Variants in GC observed in about 807,000 individuals in gnomAD.
GC encodes vitamin D-binding protein.
GC carries 43 observed loss-of-function variants against 56.7 expected under a neutral mutation model. The observed-to-expected ratio is 0.76, with a 90% CI of 0.59 to 0.98. The LOEUF (loss-of-function observed/expected upper bound fraction) is 0.98, where lower values mean the gene tolerates loss of function less well. Ranked by LOEUF, GC falls within the 50% of genes least tolerant of loss-of-function variation. GC has a pLI of 0.00. For missense variants in GC, 529 were observed against 545.9 expected (o/e 0.97, Z 0.31); for synonymous variants, 216 against 202.7 (o/e 1.07, Z -0.56).
At chr4:71,765,362 T>C in intron 4 of GC, 70 bp downstream of exon 4, 3 of 1,201,546 alleles carry the variant, frequency 2.5e-6, no homozygotes, top group Non-Finnish European at 3.7e-6. Flanking sequence ...TTCCACAGAG[T>C]AGGGGGTTAG....
intron 1 of GC, among the ~76,000 whole-genome samples, chr4:71,778,924 G>A (rs222028): frequency 0.96 from 141,838 of 146,996 alleles, 68,363 homozygotes; most frequent in Non-Finnish European, 1. Context: ...TATTATTATT[G>A]GCTAAATCCA....
At chr4:71,757,828 C>T (rs1371013606) in intron 7 of GC, among the ~76,000 whole-genome samples, 1 of 152,154 alleles carries the variant, frequency 6.6e-6, no homozygotes, top group Non-Finnish European at 1.5e-5. Context: ...ACTTTGCCAC[C>T]TACTAGTTGT....
intron 12 of GC, among the ~76,000 whole-genome samples, chr4:71,745,123 A>G (rs1184326139): frequency 6.6e-6 from 1 of 152,204 alleles, no homozygotes; most frequent in Non-Finnish European, 1.5e-5. Flanking sequence ...CATCACCTCA[A>G]TCATTGTAAC....
upstream of GC, among the ~76,000 whole-genome samples, chr4:71,788,003 C>T (rs1742881169): frequency 6.6e-6 from 1 of 151,856 alleles, no homozygotes; most frequent in Admixed American, 6.6e-5. Flanking sequence ...GTGCTTTGCT[C>T]TCCCACAGTG....
Position 71,781,090 on chromosome 4 carries a change from A to G in GC, c.58+2871T>C, listed in dbSNP as rs538486408. 2.0e-4 allele frequency among the ~76,000 whole-genome samples: 30 copies of G among 152,246 alleles called. No individual in the cohort carries two copies. The East Asian group carries it at 4.5e-3, about 23-fold the overall frequency. On this transcript the variant is annotated intron_variant, in intron 1 of 12. Coordinates refer to ENST00000273951, the MANE Select transcript of GC (RefSeq NM_000583.4). The stretch of plus-strand genomic sequence containing the variant: ...ATGAGTTCATGTCTTTTGCAGGGAC[A>G]TGGGTGAAGCTGGAAACCATCATTC...
At chr4:71,784,194 CT>C, upstream of GC, 1 of 1,304,554 alleles carries the variant, frequency 7.7e-7, no homozygotes, top group African/African-American at 1.5e-5. Flanking sequence ...GGGCTGTTAT[CT>C]TTGGCCCAAA....
At chr4:71,784,185 G>T, upstream of GC, 1 of 1,304,368 alleles carries the variant, frequency 7.7e-7, no homozygotes, top group South Asian at 2.6e-5. Flanking sequence ...AGAAGCAAGG[G>T]GCTGTTATCT....
In GC at chr4:71,768,348, C is replaced by G; in HGVS notation, c.214G>C (p.Glu72Gln). 1.2e-6 allele frequency: 2 copies of G among 1,613,314 alleles called. No homozygotes were observed. Among genetic ancestry groups the G allele is most frequent in the African/African-American group, 2.7e-5 (2 of 75,004 alleles). The change falls in exon 3 of 13, where the codon GAA becomes CAA. Residue 72 changes from glutamate to glutamine, a missense_variant. Transcript: ENST00000273951. ...QLVKEVVSLTEACCAEGADPD... is the reference protein window; with the variant it reads ...QLVKEVVSLTQACCAEGADPD... ...TCAGCCCCTTCCGCACAGCAGGCTT[C>G]GGTCAAGGAGACAACTTCCTTCACA...
rs753911219 is a variant in GC at position 71,783,982 on chromosome 4, A to T, written c.37T>A (p.Phe13Ile). ...RVLVLLLAVA[F>I]GHALERGRDY... is the part of the protein sequence containing the mutation. Reference sequence around the variant, plus strand: ...TTACCTCTCTCTAAAGCATGTCCAAATGCCACAGCAAGCAGTAGTACCAGG... The same window carrying T: ...TTACCTCTCTCTAAAGCATGTCCAATTGCCACAGCAAGCAGTAGTACCAGG... The change falls in exon 1 of 13, where the codon TTT (phenylalanine) becomes ATT (isoleucine). Residue 13 changes from phenylalanine (F) to isoleucine (I), a missense_variant. Physicochemically the swap from Phe to Ile is conservative, Grantham distance 21. Transcript: ENST00000273951. The T allele has an allele frequency of 1.2e-6, 2 of 1,602,454 alleles. No individual in the cohort carries two copies.
chr4:71,786,484 A>T (rs1742841227), upstream of GC, among the ~76,000 whole-genome samples: 1 of 151,816 alleles, frequency 6.6e-6, no homozygotes, highest in Non-Finnish European at 1.5e-5. Context: ...GAATATATAT[A>T]TTTAACAAGA....
intron 1 of GC, among the ~76,000 whole-genome samples, chr4:71,779,757 C>G: frequency 6.6e-6 from 1 of 151,706 alleles, no homozygotes; most frequent in East Asian, 2.0e-4. Flanking sequence ...GGCATTGCAC[C>G]TGATATCAGT....
chr4:71,764,993 A>T (rs887509738), intron 4 of GC, among the ~76,000 whole-genome samples: 3 of 152,160 alleles, frequency 2.0e-5, no homozygotes, highest in African/African-American at 7.2e-5. Context: ...TACACGTCAC[A>T]TGTTTCTGGG....
chr4:71,753,308 G>C (rs565270795), intron 10 of GC, among the ~76,000 whole-genome samples: 33 of 152,176 alleles, frequency 2.2e-4, no homozygotes, highest in African/African-American at 7.7e-4. Flanking sequence ...CAGCCCAGCG[G>C]GGGGCAATGG....
intron 3 of GC, among the ~76,000 whole-genome samples, chr4:71,767,784 T>G (rs1742203404): frequency 6.6e-6 from 1 of 151,950 alleles, no homozygotes; most frequent in African/African-American, 2.4e-5. Flanking sequence ...ACAGTGTACC[T>G]AATGTATAGT....
chr4:71,758,313 G>C, intron 6 of GC, 142 bp from the exon 7 acceptor site: 1 of 665,814 alleles, frequency 1.5e-6, no homozygotes, highest in Non-Finnish European at 2.6e-6. Context: ...TCTGCCATGC[G>C]ATAGATCTTA....
intron 8 of GC, among the ~76,000 whole-genome samples, chr4:71,756,108 GAA>G (rs11331312): frequency 2.4e-4 from 37 of 152,052 alleles, no homozygotes; most frequent in Admixed American, 1.2e-3. Flanking sequence ...ATAATGCTAA[GAA>G]AAAAATATTC....
At chr4:71,803,675 G>C (rs1020383778) in intron 1 of GC, among the ~76,000 whole-genome samples, 14 of 152,068 alleles carry the variant, frequency 9.2e-5, no homozygotes, top group Non-Finnish European at 2.9e-5. Flanking sequence ...TAAACTCATC[G>C]CTCTCAACAT....
chr4:71,804,085 A>G (rs1446994748), upstream of GC: 6 of 684,676 alleles, frequency 8.8e-6, no homozygotes, highest in Non-Finnish European at 1.3e-5. Flanking sequence ...TTTGTATGCA[A>G]GCTCCACCAA....
rs188472657 is a variant in GC at position 71,745,380 on chromosome 4, T to C, written c.*25+771A>G. Among the ~76,000 whole-genome samples, 220 of 152,344 alleles carry C rather than the reference T, an allele frequency of 1.4e-3. 1 individual carries two copies. Among genetic ancestry groups the C allele is most frequent in the African/African-American group, 5.1e-3 (213 of 41,584 alleles). On this transcript the variant is annotated intron_variant, in intron 12 of 12. Transcript: ENST00000273951. ...TGAAAAGCTGAATATGGTGAAATGATTTAATGTTATTAATGAATGGATTGG... is the reference window on the plus strand; with the variant it reads ...TGAAAAGCTGAATATGGTGAAATGACTTAATGTTATTAATGAATGGATTGG...
Sources: allele counts gnomAD v4.1 joint callset (sites outside exome capture counted in the v4.1 genomes callset), GRCh38; gene constraint gnomAD v4.1.1; transcripts MANE v1.5; gene names NCBI Gene and HGNC (gene_info 2026-07-23, HGNC 2026-07-21).